TOGARAM2: variants seen among roughly 807,000 people sequenced by gnomAD.
The protein encoded by TOGARAM2 is TOG array regulator of axonemal microtubules protein 2.
Under a neutral mutation model 93.3 loss-of-function variants are expected in TOGARAM2, and 85 were observed. The observed-to-expected ratio is 0.91, with a 90% CI of 0.76 to 1.09. TOGARAM2 has a LOEUF of 1.09. TOGARAM2 is among the 50% of genes least tolerant of loss of function. TOGARAM2 has a pLI of 0.00. For synonymous variants in TOGARAM2, 593 were observed against 552.8 expected, an observed-to-expected ratio of 1.07 and a Z score of -1.02; for missense variants, 1,277 against 1,334.5, an observed-to-expected ratio of 0.96 and a Z score of 0.67.
chr2:29,008,786 C>A (rs1664038959), intron 6 of TOGARAM2, among the ~76,000 whole-genome samples: 1 of 152,212 alleles, frequency 6.6e-6, no homozygotes, highest in Admixed American at 6.5e-5. Flanking sequence ...TCATTCTGTT[C>A]TTTAACTTGG....
chr2:28,978,379 G>T, upstream of TOGARAM2, among the ~76,000 whole-genome samples: 1 of 152,166 alleles, frequency 6.6e-6, no homozygotes, highest in East Asian at 1.9e-4. Flanking sequence ...GTGTTCAGGA[G>T]ACTATTTGGA....
intron 10 of TOGARAM2, 111 bp from the exon 11 acceptor site, chr2:29,022,046 TG>T: frequency 7.2e-7 from 1 of 1,391,546 alleles, no homozygotes; most frequent in Non-Finnish European, 1.0e-6. Context: ...CCCTGTTAGG[TG>T]GGCTCAGGGT....
intron 18 of TOGARAM2, among the ~76,000 whole-genome samples, chr2:29,038,682 C>T (rs917193473): frequency 3.9e-5 from 6 of 151,904 alleles, no homozygotes; most frequent in African/African-American, 9.7e-5. Context: ...TGACCTCAGG[C>T]GATCCATCTG....
In TOGARAM2 at chr2:29,011,440, C is replaced by T; in HGVS notation, c.831-15C>T. 6.2e-7 allele frequency: 1 copy of T among 1,610,692 alleles called. No individual in the cohort carries two copies. ...CCATCCCTCATGATGCTTTTCTCTC[C>T]CCCGTTCTTTTAAGATTGGCTCGGG... On this transcript the variant is annotated splice_polypyrimidine_tract_variant and intron_variant, in intron 6 of 19. Transcript: ENST00000379558.
chr2:29,019,537 G>A (rs968332889), intron 10 of TOGARAM2, among the ~76,000 whole-genome samples: 2 of 152,114 alleles, frequency 1.3e-5, no homozygotes, highest in African/African-American at 4.8e-5. Context: ...ATCACTCAAG[G>A]TCATGGTGCC....
At chr2:28,991,766 G>A (rs749539534) in intron 1 of TOGARAM2, among the ~76,000 whole-genome samples, 5 of 152,162 alleles carry the variant, frequency 3.3e-5, no homozygotes, top group Non-Finnish European at 5.9e-5. Flanking sequence ...GCTAGCTTTT[G>A]TTCCCTTTCC....
At chr2:29,023,008 G>A (rs1665063022) in intron 11 of TOGARAM2, 78 bp from the exon 12 acceptor site, 3 of 1,296,188 alleles carry the variant, frequency 2.3e-6, no homozygotes, top group African/African-American at 1.5e-5. Context: ...GGTGTGTGAT[G>A]TGGGGCCCCT....
rs868563307 is a variant in TOGARAM2 at position 28,999,468 on chromosome 2, G to A, written c.427G>A (p.Ala143Thr). The change falls in exon 4 of 20, where the codon GCC (alanine) becomes ACC (threonine). Residue 143 changes from alanine to threonine, a missense_variant and splice_region_variant. Coordinates refer to ENST00000379558, the MANE Select transcript of TOGARAM2 (RefSeq NM_199280.4). Reference protein sequence around the residue: ...LSEGLAASSRASLDPGGGPQG... With the variant: ...LSEGLAASSRTSLDPGGGPQG... ...AGAGGGCTTGGCAGCGTCTTCCCGA[G>A]GTGAGCACTGGCCCCTGCCCACCCC... 6.3e-7 allele frequency: 1 copy of A among 1,597,048 alleles called. No homozygotes were observed. The highest frequency in any genetic ancestry group is 1.1e-5 in the South Asian group (1 of 87,782).
intron 1 of TOGARAM2, among the ~76,000 whole-genome samples, chr2:28,971,592 C>G (rs1671947495): frequency 6.6e-6 from 1 of 152,234 alleles, no homozygotes; most frequent in East Asian, 1.9e-4. Context: ...TGGGAAGCCA[C>G]GTTCTCTTGC....
intron 1 of TOGARAM2, among the ~76,000 whole-genome samples, chr2:28,960,352 T>A (rs888548999): frequency 3.9e-5 from 6 of 152,126 alleles, no homozygotes; most frequent in African/African-American, 1.4e-4. Flanking sequence ...AATACCATCC[T>A]CCTGTCTAAT....
chr2:29,033,160 T>G, intron 15 of TOGARAM2, 109 bp downstream of exon 15: 1 of 870,934 alleles, frequency 1.1e-6, no homozygotes. Context: ...ATTCCAGAGA[T>G]GTTGATTTCA....
At chr2:29,011,903 G>A (rs1324800141) in intron 7 of TOGARAM2, among the ~76,000 whole-genome samples, 2 of 152,210 alleles carry the variant, frequency 1.3e-5, no homozygotes, top group Admixed American at 1.3e-4. Context: ...CCAAAGCTGG[G>A]GTCTTGACAC....
At chr2:28,994,132 A>T (rs1672872506) in intron 1 of TOGARAM2, among the ~76,000 whole-genome samples, 1 of 152,206 alleles carries the variant, frequency 6.6e-6, no homozygotes. Flanking sequence ...CTGAGGGCTG[A>T]CCCAGAGGCT....
intron 1 of TOGARAM2, among the ~76,000 whole-genome samples, chr2:28,990,585 A>C (rs1403706177): frequency 1.3e-5 from 2 of 152,126 alleles, no homozygotes; most frequent in Non-Finnish European, 2.9e-5. Flanking sequence ...CTACCCGTTT[A>C]GACCCCATTT....
Position 29,011,502 on chromosome 2 carries a change from G to T in TOGARAM2, c.877+1G>T. The T allele has an allele frequency of 6.2e-7, 1 of 1,604,550 alleles. No individual in the cohort carries two copies. The highest frequency in any genetic ancestry group is 8.5e-7 in the Non-Finnish European group (1 of 1,176,640). On this transcript the variant is annotated splice_donor_variant, in intron 7 of 19. Coordinates refer to ENST00000379558, the MANE Select transcript of TOGARAM2 (RefSeq NM_199280.4). LOFTEE classifies it high-confidence loss of function. The stretch of plus-strand genomic sequence containing the variant: ...CGGGAGAAGACCCCTGCATCTCTGG[G>T]TACGTATCTTCCATGCACACCTCCC...
rs1485447475 is a variant in TOGARAM2 at position 29,051,742 on chromosome 2, T to C, written c.2723-14T>C. On this transcript the variant is annotated splice_polypyrimidine_tract_variant and intron_variant, in intron 19 of 19. Coordinates refer to ENST00000379558, the MANE Select transcript of TOGARAM2 (RefSeq NM_199280.4). ...AGTGCCTGGCTCAAGTGACTCTCCT[T>C]TTCTGCCTGACAGTGCTGGTGGCCT... The C allele has an allele frequency of 2.7e-6, 4 of 1,471,008 alleles. No homozygotes were observed. The African/African-American group carries it at 5.6e-5, about 21-fold the overall frequency. The allele number at this position is 1,471,008 out of a possible 1,614,324, so 91.1% of individuals were successfully genotyped here.
Position 29,011,487 on chromosome 2 carries a change from C to A in TOGARAM2, c.863C>A (p.Thr288Asn). ...LARGSGPREKTPASLEPKPLA... is the reference protein window; with the variant it reads ...LARGSGPREKNPASLEPKPLA... ...CGGGGGAGTGGGCCTCGGGAGAAGA[C>A]CCCTGCATCTCTGGGTACGTATCTT... Residue 288 changes from threonine to asparagine, a missense_variant, in exon 7 of 20, where the codon ACC becomes AAC. By Grantham distance (65) the Thr-to-Asn change is moderately conservative. Coordinates refer to ENST00000379558, the MANE Select transcript of TOGARAM2 (RefSeq NM_199280.4). 10 of 1,606,152 alleles carry A rather than the reference C, an allele frequency of 6.2e-6. No individual in the cohort carries two copies. Among genetic ancestry groups the A allele is most frequent in the East Asian group, 2.3e-5 (1 of 44,160 alleles).
At chr2:28,966,592 G>T (rs1671872122) in intron 1 of TOGARAM2, among the ~76,000 whole-genome samples, 1 of 152,124 alleles carries the variant, frequency 6.6e-6, no homozygotes, top group Non-Finnish European at 1.5e-5. Flanking sequence ...CACCGTGCCT[G>T]GCCAAATTAT....
chr2:28,979,624 T>C (rs1672099781), upstream of TOGARAM2, among the ~76,000 whole-genome samples: 2 of 152,186 alleles, frequency 1.3e-5, no homozygotes, highest in Admixed American at 6.5e-5. Context: ...GTCTCTAGCA[T>C]TTGGCACAGA....
Sources: allele counts gnomAD v4.1 joint callset (sites outside exome capture counted in the v4.1 genomes callset), GRCh38; gene constraint gnomAD v4.1.1; transcripts MANE v1.5; gene names NCBI Gene and HGNC (gene_info 2026-07-23, HGNC 2026-07-21).